Variants in MAGI2 observed in about 807,000 individuals in gnomAD.
MAGI2 encodes the protein membrane-associated guanylate kinase, WW and PDZ domain-containing protein 2.
A neutral mutation model predicts 133.3 loss-of-function variants in MAGI2; 35 were observed. The ratio of observed to expected loss-of-function variants is 0.26; its 90% CI spans 0.20 to 0.35. The LOEUF (loss-of-function observed/expected upper bound fraction) is 0.35, where lower values mean the gene tolerates loss of function less well. Among genes scored for constraint, MAGI2 ranks in the 10% least tolerant of loss-of-function variants. MAGI2 has a pLI of 1.00. For missense variants in MAGI2, 1,636 were observed against 1,863.4 expected (o/e 0.88, Z 2.25); for synonymous variants, 729 against 710.6 (o/e 1.03, Z -0.41).
chr7:78,725,258 T>C (rs979971631), intron 2 of MAGI2, among the ~76,000 whole-genome samples: 6 of 152,172 alleles, frequency 3.9e-5, no homozygotes, highest in African/African-American at 1.4e-4. Context: ...AAAGGTGAAC[T>C]AATAGATCGA....
intron 10 of MAGI2, among the ~76,000 whole-genome samples, chr7:78,214,805 A>G (rs942305657): frequency 5.3e-5 from 8 of 152,240 alleles, no homozygotes; most frequent in African/African-American, 1.9e-4. Context: ...CTACAATAGC[A>G]AGAAATAGGG....
At chr7:78,683,849 T>TGTG (rs1815970298) in intron 2 of MAGI2, among the ~76,000 whole-genome samples, 1 of 152,218 alleles carries the variant, frequency 6.6e-6, no homozygotes, top group East Asian at 1.9e-4. Context: ...AACAGTACAC[T>TGTG]GTAACTTGAA....
chr7:78,989,024 T>G (rs767380798), intron 2 of MAGI2, among the ~76,000 whole-genome samples: 7 of 152,072 alleles, frequency 4.6e-5, no homozygotes, highest in Admixed American at 6.6e-5. Context: ...AGGTGCTTCG[T>G]GTATTTTTGT....
chr7:78,242,702 C>T (rs1359189527), intron 10 of MAGI2, among the ~76,000 whole-genome samples: 1 of 152,068 alleles, frequency 6.6e-6, no homozygotes, highest in Admixed American at 6.5e-5. Flanking sequence ...GATAGCTATT[C>T]TCTTTCATAG....
At position 78,126,193 on chromosome 7, in the gene MAGI2, GGTGTGT is replaced by G. The variant is rs3085805; in HGVS notation, c.3424-362_3424-357del. On this transcript the variant is annotated intron_variant, in intron 19 of 21. Transcript: ENST00000354212. ...TATTGAGCACCATAAATAAATGTCA[GGTGTGT>G]GTGTGTGTGTGTGTGTGTGTGTGTA... 1.3e-4 allele frequency among the ~76,000 whole-genome samples: 19 copies of G among 149,120 alleles called. 1 individual carries two copies. The highest frequency in any genetic ancestry group is 3.3e-4 in the Admixed American group (5 of 15,004).
chr7:78,484,780 G>A (rs1792802174), intron 6 of MAGI2: 1 of 151,998 alleles, frequency 6.6e-6, no homozygotes, highest in African/African-American at 2.4e-5. Flanking sequence ...TATGGTGCTA[G>A]TCATTGTGCT....
chr7:79,031,233 C>T (rs1196687221), intron 1 of MAGI2, among the ~76,000 whole-genome samples: 1 of 152,154 alleles, frequency 6.6e-6, no homozygotes, highest in Non-Finnish European at 1.5e-5. Flanking sequence ...CATCATTCAC[C>T]ATTCTTGTAC....
rs796928276 is a variant in MAGI2, at chr7:79,291,916, T to A, written c.301+161104A>T. On this transcript the variant is annotated intron_variant, in intron 1 of 21. Transcript: ENST00000354212. ...TATAAAGCAATTTTTTTTAATTTGA[T>A]GAAGGCCAATTTATCTGATTTTTTT... Among the ~76,000 whole-genome samples the A allele has an allele frequency of 4.6e-5, 7 of 152,180 alleles. No individual in the cohort carries two copies. The South Asian group carries it at 1.4e-3, about 32-fold the overall frequency.
chr7:78,127,990 T>C (rs1277528289), intron 18 of MAGI2, among the ~76,000 whole-genome samples: 1 of 152,170 alleles, frequency 6.6e-6, no homozygotes, highest in Non-Finnish European at 1.5e-5. Context: ...TAAAATATAA[T>C]CACCAACTAC....
intron 2 of MAGI2, among the ~76,000 whole-genome samples, chr7:78,935,246 T>C: frequency 6.6e-6 from 1 of 152,126 alleles, no homozygotes; most frequent in Admixed American, 6.6e-5. Flanking sequence ...ATAAATAGTC[T>C]TTTTTTATTC....
chr7:79,074,477 T>C (rs1196344772), intron 1 of MAGI2, among the ~76,000 whole-genome samples: 2 of 152,200 alleles, frequency 1.3e-5, no homozygotes, highest in African/African-American at 2.4e-5. Flanking sequence ...TCAAAAGTTA[T>C]TCTTAATGTT....
At position 78,298,810 on chromosome 7, in the gene MAGI2, GTTTT is replaced by G. The variant is rs71085520; in HGVS notation, c.1409-42233_1409-42230del. 3.7e-3 allele frequency among the ~76,000 whole-genome samples: 293 copies of G among 79,596 alleles called. 1 individual carries two copies. Among genetic ancestry groups the G allele is most frequent in the African/African-American group, 9.3e-3 (141 of 15,138 alleles). 52.2% of individuals were successfully genotyped at this position (79,596 alleles called of 152,430 possible). A position where few individuals can be genotyped will look rare whatever the true frequency, so the allele number is the denominator to read the frequency against. On this transcript the variant is annotated intron_variant, in intron 9 of 21. Transcript: ENST00000354212. ...ATGAGCCACCACACCTGGCCTAAAC[GTTTT>G]TTTTTTTTTTTTTTTTTTTGAGCTG...
At chr7:79,291,810 T>A (rs1005235666) in intron 1 of MAGI2, among the ~76,000 whole-genome samples, 1 of 152,202 alleles carries the variant, frequency 6.6e-6, no homozygotes, top group African/African-American at 2.4e-5. Flanking sequence ...ATAGACTATA[T>A]ATAAATCCCT....
intron 2 of MAGI2, among the ~76,000 whole-genome samples, chr7:78,801,168 G>C (rs931654197): frequency 6.6e-6 from 1 of 152,168 alleles, no homozygotes; most frequent in African/African-American, 2.4e-5. Context: ...GAGATTTAAA[G>C]ACAGGATAAT....
At chr7:78,349,515 T>A (rs1187245028) in intron 7 of MAGI2, among the ~76,000 whole-genome samples, 1 of 152,206 alleles carries the variant, frequency 6.6e-6, no homozygotes, top group East Asian at 1.9e-4. Flanking sequence ...GTAATTATTT[T>A]CTTAGAAAAG....
intron 9 of MAGI2, among the ~76,000 whole-genome samples, chr7:78,262,276 G>A (rs185436822): frequency 7.2e-5 from 11 of 152,064 alleles, no homozygotes; most frequent in African/African-American, 1.2e-4. Context: ...AAATTCCTTC[G>A]TTAGAAGAAT....
intron 2 of MAGI2, among the ~76,000 whole-genome samples, chr7:78,802,025 T>C (rs1162268604): frequency 6.6e-6 from 1 of 152,186 alleles, no homozygotes; most frequent in Non-Finnish European, 1.5e-5. Flanking sequence ...AATAATCCAT[T>C]ATCAAGAGTT....
intron 1 of MAGI2, among the ~76,000 whole-genome samples, chr7:79,028,235 G>GTATGTATATA (rs1554336342): frequency 3.4e-5 from 1 of 29,334 alleles, no homozygotes; most frequent in Admixed American, 4.2e-4. Context: ...ATATATGTAT[G>GTATGTATATA]TATATATATA....
chr7:78,374,194 GT>G (rs1475294849), intron 6 of MAGI2, among the ~76,000 whole-genome samples: 1 of 152,062 alleles, frequency 6.6e-6, no homozygotes, highest in African/African-American at 2.4e-5. Context: ...CCATGTAAGT[GT>G]TCCCCTTTCT....
Sources: gnomAD v4.1 joint callset for allele counts (sites outside exome capture counted in the v4.1 genomes callset) on GRCh38, gnomAD v4.1.1 for gene constraint, MANE v1.5 for transcripts, NCBI Gene and HGNC (gene_info 2026-07-23, HGNC 2026-07-21) for gene names.